Variants in PRKN observed in about 807,000 individuals in gnomAD.
PRKN encodes the protein parkin RBR E3 ubiquitin protein ligase, also known as E3 ubiquitin-protein ligase parkin.
Under a neutral mutation model 59.5 loss-of-function variants are expected in PRKN, and 56 were observed. The observed-to-expected ratio is 0.94, with a 90% CI of 0.76 to 1.18. PRKN has a LOEUF of 1.18. PRKN is among the 50% of genes most tolerant of loss of function. PRKN has a pLI of 0.00. For missense variants in PRKN, 657 were observed against 596.4 expected (o/e 1.10, Z -1.06); for synonymous variants, 250 against 222.1 (o/e 1.13, Z -1.12).
chr6:162,089,425 T>C (rs1246830519), intron 4 of PRKN, among the ~76,000 whole-genome samples: 1 of 152,152 alleles, frequency 6.6e-6, no homozygotes, highest in Admixed American at 6.5e-5. Context: ...AGAACATAGG[T>C]AAATTGTAAA....
At chr6:161,992,962 T>C (rs1781706700) in intron 5 of PRKN, among the ~76,000 whole-genome samples, 1 of 152,066 alleles carries the variant, frequency 6.6e-6, no homozygotes, top group African/African-American at 2.4e-5. Context: ...AAAGTACTGC[T>C]AAGAGAAAAG....
chr6:162,413,931 C>T (rs1216683496), intron 2 of PRKN, among the ~76,000 whole-genome samples: 1 of 152,106 alleles, frequency 6.6e-6, no homozygotes, highest in African/African-American at 2.4e-5. Context: ...CCTGTAGTCC[C>T]AGCACTTTGG....
intron 7 of PRKN, among the ~76,000 whole-genome samples, chr6:161,601,044 G>C (rs1289762043): frequency 6.6e-6 from 1 of 152,096 alleles, no homozygotes; most frequent in African/African-American, 2.4e-5. Context: ...TTACAACAAA[G>C]TCATCCTAAA....
chr6:162,461,499 C>CAAAAAAAAAAAAAAAAAAAAA lies in PRKN; in HGVS notation c.8-18047_8-18027dup, dbSNP rs780424226. ...CCTGGAGGACAGAGTTAAAGTGTCT[C>CAAAAAAAAAAAAAAAAAAAAA]AAAAAAAAAAAAAAAAAAAAAAAAA... On this transcript the variant is annotated intron_variant, in intron 1 of 11. Transcript: ENST00000366898. 4.7e-4 allele frequency among the ~76,000 whole-genome samples: 17 copies of CAAAAAAAAAAAAAAAAAAAAA among 36,514 alleles called. 1 individual carries two copies. Among genetic ancestry groups the CAAAAAAAAAAAAAAAAAAAAA allele is most frequent in the Non-Finnish European group, 6.5e-4 (14 of 21,538 alleles). 24.0% of individuals were successfully genotyped at this position (36,514 alleles called of 152,430 possible). A position where few individuals can be genotyped will look rare whatever the true frequency, so the allele number is the denominator to read the frequency against.
chr6:161,823,641 T>A (rs1318098252), intron 6 of PRKN, among the ~76,000 whole-genome samples: 1 of 152,226 alleles, frequency 6.6e-6, no homozygotes, highest in Non-Finnish European at 1.5e-5. Flanking sequence ...CAAAATCTCA[T>A]CTTTTAAAAT....
intron 3 of PRKN, among the ~76,000 whole-genome samples, chr6:162,216,606 A>G (rs1055484196): frequency 4.8e-5 from 7 of 147,130 alleles, no homozygotes; most frequent in African/African-American, 1.5e-4. Context: ...CTATGGTTTG[A>G]TCACCTGTCC....
intron 7 of PRKN, among the ~76,000 whole-genome samples, chr6:161,619,986 T>TC (rs1472315902): frequency 2.4e-5 from 3 of 125,642 alleles, no homozygotes; most frequent in Non-Finnish European, 5.0e-5. Flanking sequence ...TTATTCTTTT[T>TC]TTTTTTTTTT....
intron 4 of PRKN, among the ~76,000 whole-genome samples, chr6:162,199,117 C>T (rs1289584989): frequency 1.3e-5 from 2 of 152,134 alleles, no homozygotes; most frequent in East Asian, 1.9e-4. Flanking sequence ...ACTGTCCTCA[C>T]CGCCCCCTAC....
rs1784586179 is a variant in PRKN, at chr6:161,352,462, G to C, written c.1286-2251C>G. On this transcript the variant is annotated intron_variant, in intron 11 of 11. Coordinates refer to ENST00000366898, the MANE Select transcript of PRKN (RefSeq NM_004562.3). This position sits in a 1 kb window ranked among gnomAD's most constrained non-coding sequence, Gnocchi z 5.8. ...TGCCATTTTCAGCACATATTGCATG[G>C]TTGTATATTTATGATGTAAATAATA... is the stretch of plus-strand genomic sequence containing the variant. 6.6e-6 allele frequency among the ~76,000 whole-genome samples: 1 copy of C among 151,810 alleles called. No individual in the cohort carries two copies. The highest frequency in any genetic ancestry group is 1.5e-5 in the Non-Finnish European group (1 of 67,980).
rs1221516863 is a variant in PRKN at position 161,467,482 on chromosome 6, C to T, written c.1084-80605G>A. ...AGTAAGATGGGCATTTCTCTGTAAG[C>T]ATATGGTCCAATGGGGAAGACCTAG... On this transcript the variant is annotated intron_variant, in intron 9 of 11. Transcript: ENST00000366898. This position sits in a 1 kb window ranked among gnomAD's most constrained non-coding sequence, Gnocchi z 4.3. 1.3e-5 allele frequency among the ~76,000 whole-genome samples: 2 copies of T among 151,878 alleles called. No homozygotes were observed. The highest frequency in any genetic ancestry group is 2.9e-5 in the Non-Finnish European group (2 of 68,030).
chr6:161,672,171 A>G (rs937693392), intron 7 of PRKN, among the ~76,000 whole-genome samples: 2 of 152,198 alleles, frequency 1.3e-5, no homozygotes, highest in Admixed American at 1.3e-4. Context: ...TAGGCAGCAC[A>G]GTCTGATTTC....
chr6:162,419,428 C>G (rs1450322026), intron 2 of PRKN, among the ~76,000 whole-genome samples: 1 of 152,122 alleles, frequency 6.6e-6, no homozygotes, highest in Non-Finnish European at 1.5e-5. Context: ...TCAGTCCTCA[C>G]AAAAACACTA....
chr6:162,071,863 C>G (rs1778590478), intron 4 of PRKN, among the ~76,000 whole-genome samples: 1 of 152,068 alleles, frequency 6.6e-6, no homozygotes, highest in African/African-American at 2.4e-5. Context: ...TCCCAAAGTA[C>G]TAGGATTACA....
chr6:162,207,465 G>A (rs1000650664), intron 3 of PRKN, among the ~76,000 whole-genome samples: 4 of 152,134 alleles, frequency 2.6e-5, no homozygotes, highest in East Asian at 3.9e-4. Context: ...GGTCAAACAC[G>A]GAGGCTTCAT....
At chr6:162,444,681 T>G (rs1790223299) in intron 1 of PRKN, among the ~76,000 whole-genome samples, 1 of 152,104 alleles carries the variant, frequency 6.6e-6, no homozygotes, top group Non-Finnish European at 1.5e-5. Context: ...CCAGTGGCAT[T>G]TACTATATAT....
At position 162,054,170 on chromosome 6, in the gene PRKN, G is replaced by A; in HGVS notation, c.539C>T (p.Pro180Leu). Residue 180 changes from proline to leucine, a missense_variant, in exon 5 of 12, where the codon CCA (proline) becomes CTA (leucine). Physicochemically the swap from Pro to Leu is moderately conservative, Grantham distance 98. Transcript: ENST00000366898. ...RQATLTLTQG[P>L]SCWDDVLIPN... ...AATTAAAACATCATCCCAGCAAGAT[G>A]GACCCTTTGGGAAAAAACAACAATA... 1.9e-6 allele frequency: 3 copies of A among 1,607,472 alleles called. No homozygotes were observed. Among genetic ancestry groups the A allele is most frequent in the South Asian group, 2.2e-5 (2 of 90,904 alleles).
chr6:162,138,862 G>C (rs1781658412), intron 4 of PRKN, among the ~76,000 whole-genome samples: 1 of 152,162 alleles, frequency 6.6e-6, no homozygotes, highest in Non-Finnish European at 1.5e-5. Flanking sequence ...CAAGAAAATA[G>C]GGCCAGAGTA....
chr6:162,279,149 G>A lies in PRKN; in HGVS notation c.172-16384C>T, dbSNP rs542203696. ...AGTTCAAGATCAGCCTGGCCAACAT[G>A]GTGAAACCCTGACTCTGACTCTACT... is the stretch of plus-strand genomic sequence containing the variant. On this transcript the variant is annotated intron_variant, in intron 2 of 11. Coordinates refer to ENST00000366898, the MANE Select transcript of PRKN (RefSeq NM_004562.3). 6.6e-5 allele frequency among the ~76,000 whole-genome samples: 10 copies of A among 151,928 alleles called. No homozygotes were observed. In the South Asian group the frequency reaches 2.1e-3, roughly 32 times the overall value.
At chr6:162,143,180 G>A (rs911114738) in intron 4 of PRKN, among the ~76,000 whole-genome samples, 2 of 152,120 alleles carry the variant, frequency 1.3e-5, no homozygotes, top group African/African-American at 4.8e-5. Context: ...TGGTAAAATG[G>A]CCACCCACAA....
Sources: allele counts gnomAD v4.1 joint callset (sites outside exome capture counted in the v4.1 genomes callset), GRCh38; gene constraint gnomAD v4.1.1; non-coding constraint Gnocchi (gnomAD v3.1); transcripts MANE v1.5; gene names NCBI Gene and HGNC (gene_info 2026-07-23, HGNC 2026-07-21).